CNTNAP4: variants seen among roughly 807,000 people sequenced by gnomAD.
CNTNAP4 encodes contactin associated protein family member 4.
Under a neutral mutation model 148.4 loss-of-function variants are expected in CNTNAP4, and 98 were observed. The observed-to-expected ratio is 0.66, with a 90% confidence interval of 0.56 to 0.78. The LOEUF (loss-of-function observed/expected upper bound fraction) is 0.78. Ranked by LOEUF, CNTNAP4 falls within the 30% of genes least tolerant of loss-of-function variation. CNTNAP4 has a pLI of 0.00. For missense variants in CNTNAP4, 1,935 were observed against 1,565.6 expected (o/e 1.24, Z -3.98); for synonymous variants, 730 against 565.1 (o/e 1.29, Z -4.14).
chr16:76,529,809 A>G (rs2083893001), intron 17 of CNTNAP4, among the ~76,000 whole-genome samples: 1 of 151,738 alleles, frequency 6.6e-6, no homozygotes, highest in Admixed American at 6.6e-5. Flanking sequence ...CTCTAAACAT[A>G]TTGAAGCTCT....
At chr16:76,322,185 T>C (rs1282836209) in intron 2 of CNTNAP4, among the ~76,000 whole-genome samples, 1 of 152,260 alleles carries the variant, frequency 6.6e-6, no homozygotes, top group Non-Finnish European at 1.5e-5. Context: ...GTCCCCTGCC[T>C]TCCTGCTGAT....
intron 2 of CNTNAP4, among the ~76,000 whole-genome samples, chr16:76,354,699 C>T (rs1181088434): frequency 1.3e-5 from 2 of 152,164 alleles, no homozygotes; most frequent in Non-Finnish European, 2.9e-5. Flanking sequence ...AAGCTCCAAC[C>T]CACCACTGGA....
chr16:76,434,903 C>A (rs1413901811), intron 4 of CNTNAP4, among the ~76,000 whole-genome samples: 1 of 152,144 alleles, frequency 6.6e-6, no homozygotes, highest in African/African-American at 2.4e-5. Context: ...ATCACCTGAC[C>A]TCCATAAGCC....
intron 21 of CNTNAP4, among the ~76,000 whole-genome samples, chr16:76,553,007 ACTT>A (rs2085024409): frequency 6.6e-6 from 1 of 152,290 alleles, no homozygotes; most frequent in East Asian, 1.9e-4. Context: ...CACCCTCATC[ACTT>A]CTTAACCTGA....
chr16:76,359,292 TC>T (rs1289290039), intron 3 of CNTNAP4, among the ~76,000 whole-genome samples: 1 of 152,154 alleles, frequency 6.6e-6, no homozygotes, highest in African/African-American at 2.4e-5. Context: ...TGCAAATAAG[TC>T]TACGAAAGAG....
chr16:76,297,919 T>G (rs1303573793), intron 1 of CNTNAP4, among the ~76,000 whole-genome samples: 1 of 152,212 alleles, frequency 6.6e-6, no homozygotes, highest in Non-Finnish European at 1.5e-5. Context: ...GCTTCTCCTT[T>G]TCCTCATCTA....
intron 4 of CNTNAP4, among the ~76,000 whole-genome samples, chr16:76,441,395 C>T (rs2080033242): frequency 6.6e-6 from 1 of 152,114 alleles, no homozygotes; most frequent in Non-Finnish European, 1.5e-5. Context: ...AATTCCATGG[C>T]AGATTGTATT....
At chr16:76,525,697 AAT>A (rs1568510851) in intron 17 of CNTNAP4, among the ~76,000 whole-genome samples, 1 of 145,680 alleles carries the variant, frequency 6.9e-6, no homozygotes, top group Admixed American at 6.9e-5. Context: ...ATTATAAACT[AAT>A]ATATATAAAC....
chr16:76,284,002 C>T (rs898410332), intron 1 of CNTNAP4, among the ~76,000 whole-genome samples: 4 of 152,010 alleles, frequency 2.6e-5, no homozygotes, highest in African/African-American at 9.7e-5. Flanking sequence ...AATATTAAAT[C>T]ATGCAGACTT....
At chr16:76,320,156 T>C (rs1437714346) in intron 2 of CNTNAP4, among the ~76,000 whole-genome samples, 1 of 152,160 alleles carries the variant, frequency 6.6e-6, no homozygotes, top group Admixed American at 6.6e-5. Context: ...GGTCATGTTA[T>C]TGGACATAGG....
chr16:76,463,219 A>G (rs1568276803), intron 9 of CNTNAP4, among the ~76,000 whole-genome samples: 1 of 152,258 alleles, frequency 6.6e-6, no homozygotes, highest in Admixed American at 6.5e-5. Flanking sequence ...TAAGATATAT[A>G]GAACAACTTA....
At position 76,376,803 on chromosome 16, in the gene CNTNAP4, C is replaced by A. The variant is rs564565827; in HGVS notation, c.390+21292C>A. Among the ~76,000 whole-genome samples the A allele has an allele frequency of 4.4e-3, 675 of 152,130 alleles. 5 individuals carry two copies. The highest frequency in any genetic ancestry group is 0.016 in the African/African-American group (660 of 41,498). ...CAAGAGCATGGAGGAAGAGAAGTACCATGGAGTCAGAACCATGTAGAAAAG... is the reference window on the plus strand; with the variant it reads ...CAAGAGCATGGAGGAAGAGAAGTACAATGGAGTCAGAACCATGTAGAAAAG... On this transcript the variant is annotated intron_variant, in intron 3 of 23. Coordinates refer to ENST00000611870, the MANE Select transcript of CNTNAP4 (RefSeq NM_033401.5).
intron 3 of CNTNAP4, among the ~76,000 whole-genome samples, chr16:76,401,011 G>T (rs1171367230): frequency 6.6e-6 from 1 of 152,054 alleles, no homozygotes; most frequent in South Asian, 2.1e-4. Flanking sequence ...GGATTGCCTC[G>T]GCTATTTGGG....
chr16:76,548,198 C>T (rs1451265884), intron 21 of CNTNAP4, among the ~76,000 whole-genome samples: 1 of 151,996 alleles, frequency 6.6e-6, no homozygotes, highest in Non-Finnish European at 1.5e-5. Context: ...TTTTACTTTC[C>T]CACTAACCCT....
chr16:76,314,545 T>C (rs999340253), intron 1 of CNTNAP4, among the ~76,000 whole-genome samples: 1 of 152,222 alleles, frequency 6.6e-6, no homozygotes, highest in Non-Finnish European at 1.5e-5. Context: ...TCTTAACTAC[T>C]ACATTTTGCA....
rs763409818 is a variant in CNTNAP4 at position 76,553,519 on chromosome 16, C to T, written c.3661+18C>T. On this transcript the variant is annotated intron_variant, in intron 22 of 23. Transcript: ENST00000611870. ...GTTTGCAGGTGACTTAGAGTTCTTCCTCTACTCAGTCACAGACGTAGCTTG... is the reference window on the plus strand; with the variant it reads ...GTTTGCAGGTGACTTAGAGTTCTTCTTCTACTCAGTCACAGACGTAGCTTG... 3 of 1,554,408 alleles carry T rather than the reference C, an allele frequency of 1.9e-6. No homozygotes were observed. Among genetic ancestry groups the T allele is most frequent in the Non-Finnish European group, 1.8e-6 (2 of 1,132,382 alleles).
At chr16:76,471,095 AACAC>A (rs1287396911) in intron 10 of CNTNAP4, among the ~76,000 whole-genome samples, 2 of 151,806 alleles carry the variant, frequency 1.3e-5, no homozygotes, top group Non-Finnish European at 2.9e-5. Context: ...TCCCTACGCA[AACAC>A]ACACAAACAC....
chr16:76,415,926 G>T (rs1184896720), intron 3 of CNTNAP4, among the ~76,000 whole-genome samples: 4 of 56,264 alleles, frequency 7.1e-5, no homozygotes. Flanking sequence ...TAGATATACT[G>T]TTTGTTTTTT....
intron 4 of CNTNAP4, among the ~76,000 whole-genome samples, chr16:76,443,224 T>C (rs2080111082): frequency 6.6e-6 from 1 of 152,158 alleles, no homozygotes; most frequent in African/African-American, 2.4e-5. Flanking sequence ...TTATTCTTCC[T>C]TTCAGTTAAG....
Sources: gnomAD v4.1 joint callset for allele counts (sites outside exome capture counted in the v4.1 genomes callset) on GRCh38, gnomAD v4.1.1 for gene constraint, MANE v1.5 for transcripts, NCBI Gene and HGNC (gene_info 2026-07-23, HGNC 2026-07-21) for gene names.